The following MLKL variants were observed in gnomAD, a reference collection of about 807,000 sequenced individuals.
MLKL encodes the protein mixed lineage kinase domain-like protein.
Under a neutral mutation model 56.5 loss-of-function variants are expected in MLKL, and 55 were observed. The observed-to-expected ratio is 0.97, with a 90% CI of 0.78 to 1.22. The LOEUF is 1.22. MLKL is among the 50% of genes most tolerant of loss of function. MLKL has a pLI of 0.00. For missense variants in MLKL, 694 were observed against 573.9 expected (o/e 1.21, Z -2.14); for synonymous variants, 251 against 208.3 (o/e 1.20, Z -1.76).
Position 74,693,461 on chromosome 16 carries a change from AAAAAAAAG to A in MLKL, c.461-1053_461-1046del, listed in dbSNP as rs932075931. 2.6e-4 allele frequency among the ~76,000 whole-genome samples: 25 copies of A among 96,988 alleles called. No individual in the cohort carries two copies. In the East Asian group the frequency reaches 5.0e-3, roughly 20 times the overall value. The allele number at this position is 96,988 out of a possible 152,430, so 63.6% of individuals were successfully genotyped here. On this transcript the variant is annotated intron_variant, in intron 2 of 10. Transcript: ENST00000308807. ...CCAGCAAGACTCTGTCTCAAAAAAA[AAAAAAAAG>A]AAAAGAAAAAAGAAAGAAAGAAAGA...
intron 1 of MLKL, among the ~76,000 whole-genome samples, chr16:74,698,082 G>A (rs1597520892): frequency 1.3e-5 from 2 of 152,024 alleles, no homozygotes; most frequent in Admixed American, 1.3e-4. Context: ...GTGCTTGCCT[G>A]TAGTCCCAGC....
At chr16:74,699,638 C>G (rs935822421) in intron 1 of MLKL, among the ~76,000 whole-genome samples, 1 of 152,014 alleles carries the variant, frequency 6.6e-6, no homozygotes, top group African/African-American at 2.4e-5. Flanking sequence ...AAACAAACAG[C>G]TAAGAATATG....
Position 74,672,418 on chromosome 16 carries a change from G to A in MLKL, c.*86C>T, listed in dbSNP as rs757264906. ...TCCTTGCACCCATAGATAACCCAATGCCGAAGGATATGAGAGAGAGAGATG... is the reference window on the plus strand; with the variant it reads ...TCCTTGCACCCATAGATAACCCAATACCGAAGGATATGAGAGAGAGAGATG... On this transcript the variant is annotated 3_prime_UTR_variant, in exon 11 of 11. Transcript: ENST00000308807. The A allele has an allele frequency of 5.4e-6, 7 of 1,296,632 alleles. No homozygotes were observed. Among genetic ancestry groups the A allele is most frequent in the Non-Finnish European group, 6.7e-6 (6 of 901,166 alleles). 80.3% of individuals were successfully genotyped at this position (1,296,632 alleles called of 1,614,324 possible). A position where few individuals can be genotyped will look rare whatever the true frequency, so the allele number is the denominator to read the frequency against.
rs539513078 is a variant in MLKL at position 74,680,350 on chromosome 16, A to T, written c.957-1370T>A. On this transcript the variant is annotated intron_variant, in intron 6 of 10. Transcript: ENST00000308807. ...GAAACAAACTTAATTTCAAATTAAT[A>T]GCTAAGACAGTGTTTCCAAAAGTGT... Among the ~76,000 whole-genome samples the T allele has an allele frequency of 1.3e-4, 20 of 152,350 alleles. 1 individual carries two copies. The South Asian group carries it at 4.1e-3, about 32-fold the overall frequency.
chr16:74,688,447 C>G (rs1712828603), intron 4 of MLKL, among the ~76,000 whole-genome samples: 1 of 152,120 alleles, frequency 6.6e-6, no homozygotes, highest in South Asian at 2.1e-4. Flanking sequence ...GGTGCAGTGG[C>G]TCAAGCCTGT....
At chr16:74,676,248 C>T (rs1959589293) in intron 7 of MLKL, 1 of 991,290 alleles carries the variant, frequency 1.0e-6, no homozygotes, top group Non-Finnish European at 1.2e-6. Context: ...CAGCCTGATC[C>T]TTTGGCTTTG....
intron 5 of MLKL, 116 bp from the exon 6 acceptor site, chr16:74,682,902 T>C: frequency 4.0e-6 from 5 of 1,246,692 alleles, no homozygotes; most frequent in Non-Finnish European, 3.3e-6. Context: ...TGAGTCCCAT[T>C]TCTCCCCCAA....
chr16:74,689,806 A>G (rs1016919781), intron 4 of MLKL, among the ~76,000 whole-genome samples: 2 of 152,218 alleles, frequency 1.3e-5, no homozygotes, highest in African/African-American at 4.8e-5. Context: ...AGACGACTTA[A>G]TAGATGGTAT....
At chr16:74,680,272 T>C (rs1162025727) in intron 6 of MLKL, among the ~76,000 whole-genome samples, 1 of 152,172 alleles carries the variant, frequency 6.6e-6, no homozygotes, top group Non-Finnish European at 1.5e-5. Context: ...CAGTGTCCCC[T>C]ACAACATCCA....
At chr16:74,694,872 G>GTTTGTTTGTTTA (rs1045662925) in intron 2 of MLKL, among the ~76,000 whole-genome samples, 8 of 151,876 alleles carry the variant, frequency 5.3e-5, no homozygotes, top group Admixed American at 3.3e-4. Flanking sequence ...TTGTTTGTTT[G>GTTTGTTTGTTTA]TTTGTTTGTT....
Position 74,685,586 on chromosome 16 carries a change from A to G in MLKL, c.723-3T>C, listed in dbSNP as rs928898275. 3 of 1,608,434 alleles carry G rather than the reference A, an allele frequency of 1.9e-6. No individual in the cohort carries two copies. The highest frequency in any genetic ancestry group is 1.7e-6 in the Non-Finnish European group (2 of 1,175,102). Reference sequence around the variant, plus strand: ...TATTGAAAGTCTGCCTCACTATTCTATAAGGATTAAAGAGAGAAATCAGGA... The same window carrying G: ...TATTGAAAGTCTGCCTCACTATTCTGTAAGGATTAAAGAGAGAAATCAGGA... On this transcript the variant is annotated splice_region_variant and splice_polypyrimidine_tract_variant and intron_variant, in intron 4 of 10. Coordinates refer to ENST00000308807, the MANE Select transcript of MLKL (RefSeq NM_152649.4).
At chr16:74,688,848 A>C (rs1360916494) in intron 4 of MLKL, among the ~76,000 whole-genome samples, 1 of 152,232 alleles carries the variant, frequency 6.6e-6, no homozygotes, top group Non-Finnish European at 1.5e-5. Context: ...CATACAACAG[A>C]CTATCATTCA....
At chr16:74,680,500 T>G (rs891972937) in intron 6 of MLKL, among the ~76,000 whole-genome samples, 2 of 151,944 alleles carry the variant, frequency 1.3e-5, no homozygotes, top group African/African-American at 4.8e-5. Context: ...TTTTTGTTTT[T>G]GTTTTTTGTT....
chr16:74,696,320 C>T (rs1961038990), intron 1 of MLKL, among the ~76,000 whole-genome samples: 1 of 152,090 alleles, frequency 6.6e-6, no homozygotes, highest in South Asian at 2.1e-4. Context: ...CAGATATATC[C>T]TGCTAAAGCA....
chr16:74,694,796 G>C (rs1960921398), intron 2 of MLKL, among the ~76,000 whole-genome samples: 1 of 152,040 alleles, frequency 6.6e-6, no homozygotes, highest in Admixed American at 6.6e-5. Context: ...CCTCTTCAAC[G>C]CTGGCTTGCC....
In MLKL at chr16:74,681,887, T is replaced by C. The variant is rs933030567; in HGVS notation, c.956+764A>G. On this transcript the variant is annotated intron_variant, in intron 6 of 10. Coordinates refer to ENST00000308807, the MANE Select transcript of MLKL (RefSeq NM_152649.4). ...GAATATATAGATTCACGTACACGCA[T>C]ATATATATGTACAAGCATGCCCACA... 5.9e-5 allele frequency among the ~76,000 whole-genome samples: 9 copies of C among 152,126 alleles called. No homozygotes were observed. In the East Asian group the frequency reaches 9.6e-4, roughly 16 times the overall value.
chr16:74,682,461 T>G (rs1236767289), intron 6 of MLKL, among the ~76,000 whole-genome samples, 190 bp downstream of exon 6: 1 of 152,162 alleles, frequency 6.6e-6, no homozygotes, highest in African/African-American at 2.4e-5. Context: ...AACCGTCAGT[T>G]CTGGGAGCTG....
At chr16:74,677,374 G>C (rs1277076495) in intron 7 of MLKL, 2 of 152,406 alleles carry the variant, frequency 1.3e-5, no homozygotes, top group African/African-American at 2.4e-5. Flanking sequence ...TTTTGAGACA[G>C]GGTCTCATTC....
At chr16:74,688,059 G>C (rs1334399967) in intron 4 of MLKL, among the ~76,000 whole-genome samples, 4 of 152,114 alleles carry the variant, frequency 2.6e-5, no homozygotes, top group Non-Finnish European at 5.9e-5. Flanking sequence ...CTCCTGACCT[G>C]GTGATCTGCC....
Sources: allele counts gnomAD v4.1 joint callset (sites outside exome capture counted in the v4.1 genomes callset), GRCh38; gene constraint gnomAD v4.1.1; transcripts MANE v1.5; gene names NCBI Gene and HGNC (gene_info 2026-07-23, HGNC 2026-07-21).